CMTM4: variants seen among roughly 807,000 people sequenced by gnomAD.
The protein encoded by CMTM4 is CKLF like MARVEL transmembrane domain containing 4.
In CMTM4, 8 loss-of-function variants were observed where a neutral mutation model predicts 19.0. That is an observed-to-expected ratio of 0.42 (90% CI 0.25 to 0.76). The LOEUF is 0.76. Ranked by LOEUF, CMTM4 falls within the 30% of genes least tolerant of loss-of-function variation. CMTM4 has a pLI of 0.27. For synonymous variants in CMTM4, 106 were observed against 121.1 expected, an observed-to-expected ratio of 0.88 and a Z score of 0.82; for missense variants, 228 against 290.2, an observed-to-expected ratio of 0.79 and a Z score of 1.56.
intron 1 of CMTM4, among the ~76,000 whole-genome samples, chr16:66,656,670 A>G (rs2016403298): frequency 6.6e-6 from 1 of 152,014 alleles, no homozygotes; most frequent in Non-Finnish European, 1.5e-5. Context: ...AAAAAACAGT[A>G]ACTCAACAGT....
chr16:66,655,038 C>G (rs1387059817), intron 1 of CMTM4, among the ~76,000 whole-genome samples: 1 of 152,156 alleles, frequency 6.6e-6, no homozygotes, highest in South Asian at 2.1e-4. Context: ...CTCTGTCACC[C>G]AGGCTAGAGT....
chr16:66,606,262 AG>A, the CMTM4 span, among the ~76,000 whole-genome samples: 1 of 152,084 alleles, frequency 6.6e-6, no homozygotes, highest in Admixed American at 6.5e-5. Flanking sequence ...AAACAGAGAG[AG>A]GAAGTGGCCC....
chr16:66,668,267 C>A (rs756533494), intron 1 of CMTM4, among the ~76,000 whole-genome samples: 1 of 152,060 alleles, frequency 6.6e-6, no homozygotes, highest in African/African-American at 2.4e-5. Flanking sequence ...CCTCAGCCCC[C>A]CAGAGTGCTG....
intron 1 of CMTM4, among the ~76,000 whole-genome samples, chr16:66,639,735 T>C (rs950284069): frequency 3.3e-5 from 5 of 151,606 alleles, no homozygotes; most frequent in Non-Finnish European, 7.4e-5. Context: ...ATACAAAAAG[T>C]AGCTGGGCAT....
chr16:66,643,847 G>A (rs760433271), intron 1 of CMTM4, among the ~76,000 whole-genome samples: 3 of 152,082 alleles, frequency 2.0e-5, no homozygotes, highest in African/African-American at 4.8e-5. Flanking sequence ...TCTGCCTTCC[G>A]GGTTCAAGCG....
Position 66,620,689 on chromosome 16 carries a change from C to A in CMTM4, c.*1369G>T, listed in dbSNP as rs527561788. On this transcript the variant is annotated 3_prime_UTR_variant, in exon 4 of 4. Transcript: ENST00000394106. ...CCATGTTACTGCAAAATCTTCCTGCCACAGTAAGTGCTTTTTGGTGAGGGC... is the reference window on the plus strand; with the variant it reads ...CCATGTTACTGCAAAATCTTCCTGCAACAGTAAGTGCTTTTTGGTGAGGGC... The A allele has an allele frequency of 3.2e-4, 320 of 985,794 alleles. 1 individual carries two copies. The African/African-American group carries it at 4.8e-3, about 15-fold the overall frequency. 61.1% of individuals were successfully genotyped at this position (985,794 alleles called of 1,614,324 possible).
At chr16:66,629,462 T>A (rs2015807225) in intron 2 of CMTM4, among the ~76,000 whole-genome samples, 1 of 152,172 alleles carries the variant, frequency 6.6e-6, no homozygotes, top group African/African-American at 2.4e-5. Flanking sequence ...GGACTTGTTA[T>A]TTTGCTCTAC....
chr16:66,606,615 C>T, the CMTM4 span, among the ~76,000 whole-genome samples: 1 of 152,138 alleles, frequency 6.6e-6, no homozygotes, highest in Non-Finnish European at 1.5e-5. Context: ...AACTACTCAG[C>T]CATAGACATG....
intron 1 of CMTM4, among the ~76,000 whole-genome samples, chr16:66,637,390 C>A (rs111678447): frequency 0.044 from 6,632 of 152,060 alleles, 266 homozygotes; most frequent in East Asian, 0.16. Flanking sequence ...ACTAAAAATA[C>A]AAAATCAGCC....
the CMTM4 span, among the ~76,000 whole-genome samples, chr16:66,600,137 T>TGTGG: frequency 7.6e-5 from 8 of 105,256 alleles, no homozygotes; most frequent in East Asian, 3.6e-4. Context: ...TGTGTGTGTG[T>TGTGG]TTTTTTTTGT....
intron 1 of CMTM4, among the ~76,000 whole-genome samples, chr16:66,661,521 GTC>G (rs2016498348): frequency 6.6e-6 from 1 of 152,186 alleles, no homozygotes; most frequent in Non-Finnish European, 1.5e-5. Flanking sequence ...AGGCAGAAAA[GTC>G]TGTTCGCTAA....
downstream of CMTM4, chr16:66,609,907 G>C (rs142471076): frequency 1.9e-6 from 3 of 1,614,118 alleles, no homozygotes; most frequent in African/African-American, 2.7e-5. This position sits in a 1 kb window ranked among gnomAD's most constrained non-coding sequence, Gnocchi z 4.4. Context: ...TGCTACCATC[G>C]TGTTTGCAAC....
In CMTM4 at chr16:66,696,478, G is replaced by A. The variant is rs951679299; in HGVS notation, c.48C>T (p.Ser16=). Residue 16 remains serine (S), a synonymous_variant, in exon 1 of 4, where the codon AGC becomes AGT. Coordinates refer to ENST00000394106, the MANE Select transcript of CMTM4 (RefSeq NM_181521.3). The surrounding 1 kb of genome is among the most constrained non-coding windows in gnomAD (Gnocchi z 4.3). The stretch of plus-strand genomic sequence containing the variant: ...TGCTGGCGCCCGAGATCATGGAGGT[G>A]CTCGAGGCCTCGCCCTCGAAGCCGT... The part of the protein sequence containing the change: ...ELDGFEGEAS[S]TSMISGASSP... 368 of 1,277,956 alleles carry A rather than the reference G, an allele frequency of 2.9e-4. No homozygotes were observed. The highest frequency in any genetic ancestry group is 3.5e-4 in the Non-Finnish European group (352 of 1,010,050). The allele number at this position is 1,277,956 out of a possible 1,614,324, so 79.2% of individuals were successfully genotyped here. A position where few individuals can be genotyped will look rare whatever the true frequency, so the allele number is the denominator to read the frequency against.
chr16:66,614,918 G>A lies in CMTM4; in HGVS notation c.*7140C>T, dbSNP rs2015497533. 6.6e-6 allele frequency: 1 copy of A among 152,216 alleles called. No individual in the cohort carries two copies. Among genetic ancestry groups the A allele is most frequent in the African/African-American group, 2.4e-5 (1 of 41,448 alleles). 9.4% of individuals were successfully genotyped at this position (152,216 alleles called of 1,614,324 possible). The stretch of plus-strand genomic sequence containing the variant: ...TGAAAAACTGGTCCTTCAAATGAAA[G>A]GGGGAAAATTGAGGGCAATGTGAGG... On this transcript the variant is annotated 3_prime_UTR_variant, in exon 4 of 4. Coordinates refer to ENST00000394106, the MANE Select transcript of CMTM4 (RefSeq NM_181521.3). The surrounding 1 kb of genome is among the most constrained non-coding windows in gnomAD (Gnocchi z 4.9).
At position 66,621,004 on chromosome 16, in the gene CMTM4, T is replaced by G. The variant is rs2015622850; in HGVS notation, c.*1054A>C. ...ACACTGAGGCGCCCAAAGCGACAAT[T>G]AGTGCCTTCTGAAACATGGGTGGAA... On this transcript the variant is annotated 3_prime_UTR_variant, in exon 4 of 4. Coordinates refer to ENST00000394106, the MANE Select transcript of CMTM4 (RefSeq NM_181521.3). 1.0e-6 allele frequency: 1 copy of G among 985,848 alleles called. No individual in the cohort carries two copies. Among genetic ancestry groups the G allele is most frequent in the Middle Eastern group, 5.2e-4 (1 of 1,914 alleles). 61.1% of individuals were successfully genotyped at this position (985,848 alleles called of 1,614,324 possible).
At chr16:66,679,961 G>T (rs2016877598) in intron 1 of CMTM4, among the ~76,000 whole-genome samples, 1 of 152,078 alleles carries the variant, frequency 6.6e-6, no homozygotes, top group African/African-American at 2.4e-5. Context: ...CCACCAGCTA[G>T]CCAGTTATTG....
intron 2 of CMTM4, among the ~76,000 whole-genome samples, chr16:66,625,210 G>A (rs1196942269): frequency 6.6e-5 from 10 of 152,122 alleles, no homozygotes; most frequent in South Asian, 6.2e-4. Flanking sequence ...CGAGGCGGGC[G>A]GATCACCTGA....
intron 1 of CMTM4, 67 bp from the exon 2 acceptor site, chr16:66,636,648 T>C: frequency 7.7e-7 from 1 of 1,303,620 alleles, no homozygotes; most frequent in Admixed American, 1.8e-5. Context: ...CATACGTACC[T>C]GCCATGCTTA....
chr16:66,666,484 G>T (rs1052624380), intron 1 of CMTM4, among the ~76,000 whole-genome samples: 2 of 152,000 alleles, frequency 1.3e-5, no homozygotes, highest in Admixed American at 1.3e-4. Flanking sequence ...AAAAGAAGAA[G>T]ACAAGCCACA....
Sources: gnomAD v4.1 joint callset for allele counts (sites outside exome capture counted in the v4.1 genomes callset) on GRCh38, gnomAD v4.1.1 for gene constraint, Gnocchi (gnomAD v3.1) non-coding constraint, MANE v1.5 for transcripts, NCBI Gene and HGNC (gene_info 2026-07-23, HGNC 2026-07-21) for gene names.